Variants in UPF2 observed in about 807,000 individuals in gnomAD.
UPF2 encodes the protein UPF2 regulator of nonsense mediated mRNA decay.
Under a neutral mutation model 141.4 loss-of-function variants are expected in UPF2, and 17 were observed. The ratio of observed to expected loss-of-function variants is 0.12; its 90% CI spans 0.08 to 0.18. The LOEUF (loss-of-function observed/expected upper bound fraction) is 0.18. Among genes scored for constraint, UPF2 ranks in the 10% least tolerant of loss-of-function variants. The pLI is 1.00. For missense variants in UPF2, 1,152 were observed against 1,515.9 expected, an observed-to-expected ratio of 0.76 and a Z score of 3.99; for synonymous variants, 540 against 498.0, an observed-to-expected ratio of 1.08 and a Z score of -1.12.
At chr10:12,023,440 C>T (rs1467852862) in intron 3 of UPF2, among the ~76,000 whole-genome samples, 2 of 148,394 alleles carry the variant, frequency 1.3e-5, no homozygotes, top group South Asian at 2.1e-4. Flanking sequence ...TTTGGGAGGC[C>T]GAGGCGGGAA....
chr10:11,954,535 G>A (rs1313029070), intron 14 of UPF2, among the ~76,000 whole-genome samples: 2 of 151,376 alleles, frequency 1.3e-5, no homozygotes, highest in African/African-American at 4.9e-5. Context: ...TCTGGAGGCT[G>A]AGGCAGGAGA....
rs765300768 is a variant in UPF2, at chr10:11,952,157, T to C, written c.2943A>G (p.Glu981=). ...AGAGTTTGATCTTTGGTCTTAGCAG[T>C]TCTAGTGTATCACTGATCATGTAAT... ...DIDYMISDTL[E]LLRPKIKLCN... The change falls in exon 15 of 22, where the codon GAA becomes GAG. Residue 981 remains glutamate, a synonymous_variant. Transcript: ENST00000357604. 1 of 1,614,020 alleles carries C rather than the reference T, an allele frequency of 6.2e-7. No homozygotes were observed. The highest frequency in any genetic ancestry group is 8.5e-7 in the Non-Finnish European group (1 of 1,179,918).
rs573358377 is a variant in UPF2, at chr10:11,956,153, A to C, written c.2574+167T>G. ...CACAGCGAGACTCAGTCTCAAAAAA[A>C]AAAAAAAAAGAGGAAAGTGTTTACA... On this transcript the variant is annotated intron_variant, in intron 13 of 21. Transcript: ENST00000357604. The surrounding 1 kb of genome is among the most constrained non-coding windows in gnomAD (Gnocchi z 4.2). Among the ~76,000 whole-genome samples the C allele has an allele frequency of 1.1e-4, 16 of 152,298 alleles. No individual in the cohort carries two copies. The South Asian group carries it at 3.1e-3, about 30-fold the overall frequency.
intron 4 of UPF2, among the ~76,000 whole-genome samples, chr10:12,012,809 A>C (rs1212438747): frequency 6.6e-6 from 1 of 151,926 alleles, no homozygotes; most frequent in South Asian, 2.1e-4. Context: ...AAAAAAAAAA[A>C]AAAACATTTA....
Position 11,992,490 on chromosome 10 carries a change from A to G in UPF2, c.1844+5182T>C, listed in dbSNP as rs562428957. ...GTAGAAAACAACAGAGACTGTCTAA[A>G]TAAATAATCGCTAAGCAAACTTACA... On this transcript the variant is annotated intron_variant, in intron 8 of 21. Coordinates refer to ENST00000357604, the MANE Select transcript of UPF2 (RefSeq NM_015542.4). This position sits in a 1 kb window ranked among gnomAD's most constrained non-coding sequence, Gnocchi z 4.1. Among the ~76,000 whole-genome samples, 1 of 152,198 alleles carries G rather than the reference A, an allele frequency of 6.6e-6. No individual in the cohort carries two copies. The highest frequency in any genetic ancestry group is 1.5e-5 in the Non-Finnish European group (1 of 68,036).
chr10:11,942,861 C>CT, intron 17 of UPF2, 98 bp from the exon 18 acceptor site: 1 of 1,108,484 alleles, frequency 9.0e-7, no homozygotes, highest in Non-Finnish European at 1.3e-6. Context: ...TAACATAACT[C>CT]AAGGAGTAAA....
chr10:11,986,224 G>A (rs1003564770), intron 8 of UPF2, among the ~76,000 whole-genome samples: 2 of 152,074 alleles, frequency 1.3e-5, no homozygotes, highest in African/African-American at 2.4e-5. Flanking sequence ...AATCTCATAA[G>A]ATGGCGAAAA....
rs183786070 is a variant in UPF2 at position 11,926,261 on chromosome 10, T to A, written c.3809+3604A>T. ...GAGGGCAGACAACGCTTCCTCTCCC[T>A]GCACTGGAGACCCTGGGGAAGAGGA... On this transcript the variant is annotated intron_variant, in intron 21 of 21. Transcript: ENST00000357604. 1.8e-4 allele frequency among the ~76,000 whole-genome samples: 28 copies of A among 152,310 alleles called. No homozygotes were observed. The East Asian group carries it at 4.0e-3, about 22-fold the overall frequency.
chr10:11,963,379 C>T (rs1333047037), intron 11 of UPF2, among the ~76,000 whole-genome samples: 1 of 150,484 alleles, frequency 6.6e-6, no homozygotes, highest in African/African-American at 2.4e-5. Context: ...ATTCTGCCGC[C>T]CAGGCTGGAG....
At chr10:12,008,852 C>A (rs1834082204) in intron 4 of UPF2, among the ~76,000 whole-genome samples, 1 of 152,084 alleles carries the variant, frequency 6.6e-6, no homozygotes, top group Admixed American at 6.6e-5. Context: ...TTACCCCCAA[C>A]CTCCCAACAG....
chr10:12,013,124 CA>C (rs111480494), intron 4 of UPF2, among the ~76,000 whole-genome samples: 1,128 of 97,146 alleles, frequency 0.012, no homozygotes, highest in Non-Finnish European at 0.016. Flanking sequence ...GACTCTGTCT[CA>C]AAAAAAAAAA....
At chr10:11,927,985 A>G (rs1832733299) in intron 21 of UPF2, among the ~76,000 whole-genome samples, 1 of 152,160 alleles carries the variant, frequency 6.6e-6, no homozygotes, top group Admixed American at 6.5e-5. Context: ...TCCCAACAAC[A>G]AAGTGACATC....
chr10:12,038,900 G>A (rs1398373616), intron 1 of UPF2, among the ~76,000 whole-genome samples: 1 of 151,902 alleles, frequency 6.6e-6, no homozygotes, highest in East Asian at 1.9e-4. Flanking sequence ...CGGGCTCAAG[G>A]GATCCATCCT....
intron 9 of UPF2, among the ~76,000 whole-genome samples, chr10:11,972,104 G>A (rs1054977746): frequency 4.7e-5 from 7 of 149,368 alleles, no homozygotes; most frequent in African/African-American, 1.7e-4. Flanking sequence ...ACACTCTTCA[G>A]ATATGTCAAC....
chr10:11,991,183 G>C (rs954941104), intron 8 of UPF2, among the ~76,000 whole-genome samples: 1 of 152,032 alleles, frequency 6.6e-6, no homozygotes, highest in Admixed American at 6.6e-5. Context: ...ATACTGCCAT[G>C]AAATATATGA....
intron 9 of UPF2, among the ~76,000 whole-genome samples, chr10:11,975,474 G>A (rs1273071476): frequency 1.3e-5 from 2 of 151,902 alleles, no homozygotes; most frequent in Non-Finnish European, 2.9e-5. Context: ...TTTATATCTC[G>A]CTTTTGAAAA....
intron 9 of UPF2, among the ~76,000 whole-genome samples, chr10:11,976,516 G>A (rs1833508690): frequency 6.6e-6 from 1 of 152,194 alleles, no homozygotes; most frequent in South Asian, 2.1e-4. Context: ...ATTCAAGGAA[G>A]TAAAAGACAT....
At chr10:12,010,744 C>T (rs1441606446) in intron 4 of UPF2, among the ~76,000 whole-genome samples, 7 of 151,482 alleles carry the variant, frequency 4.6e-5, no homozygotes, top group African/African-American at 1.7e-4. Context: ...TCAAGGAACC[C>T]GAAGTACAAG....
rs976211736 is a variant in UPF2, at chr10:11,959,801, G to A, written c.2185-445C>T. 7.9e-5 allele frequency among the ~76,000 whole-genome samples: 12 copies of A among 151,994 alleles called. No individual in the cohort carries two copies. Among genetic ancestry groups the A allele is most frequent in the African/African-American group, 2.9e-4 (12 of 41,364 alleles). ...ACACACAGAGAGGTGGGGGTGGTGA[G>A]ACAAAAACAATCAACAGGCATATCA... On this transcript the variant is annotated intron_variant, in intron 11 of 21. Transcript: ENST00000357604. This position sits in a 1 kb window ranked among gnomAD's most constrained non-coding sequence, Gnocchi z 5.9.
Sources: allele counts gnomAD v4.1 joint callset (sites outside exome capture counted in the v4.1 genomes callset), GRCh38; gene constraint gnomAD v4.1.1; non-coding constraint Gnocchi (gnomAD v3.1); transcripts MANE v1.5; gene names NCBI Gene and HGNC (gene_info 2026-07-23, HGNC 2026-07-21).